The following RAPGEF6 variants were observed in gnomAD, a reference collection of about 807,000 sequenced individuals.
RAPGEF6 encodes the protein PDZ domain containing guanine nucleotide exchange factor (GEF) 2.
RAPGEF6 carries 56 observed loss-of-function variants against 171.4 expected under a neutral mutation model. That is an observed-to-expected ratio of 0.33 (90% CI 0.26 to 0.41). RAPGEF6 has a LOEUF of 0.41. RAPGEF6 is among the 10% of genes least tolerant of loss of function. The probability of loss-of-function intolerance (pLI) is 1.00; values close to 1 mark genes in which losing one functional copy is unlikely to be tolerated. For synonymous variants in RAPGEF6, 692 were observed against 650.1 expected, an observed-to-expected ratio of 1.06 and a Z score of -0.98; for missense variants, 1,674 against 1,921.4, an observed-to-expected ratio of 0.87 and a Z score of 2.41.
intron 6 of RAPGEF6, among the ~76,000 whole-genome samples, chr5:131,527,944 G>A (rs1205393250): frequency 6.7e-6 from 1 of 149,682 alleles, no homozygotes; most frequent in Non-Finnish European, 1.5e-5. Flanking sequence ...GAACCTGGGA[G>A]GCAGAGCTTG....
chr5:131,511,689 G>A (rs1230342130), intron 7 of RAPGEF6, among the ~76,000 whole-genome samples: 2 of 151,846 alleles, frequency 1.3e-5, no homozygotes, highest in Admixed American at 6.6e-5. Context: ...TAGAGACTCG[G>A]GGGAGGTTGC....
intron 6 of RAPGEF6, among the ~76,000 whole-genome samples, chr5:131,528,144 TA>T (rs1357779685): frequency 5.4e-4 from 26 of 47,782 alleles, no homozygotes; most frequent in Non-Finnish European, 8.5e-4. Context: ...TAATATATAC[TA>T]TATATAATAT....
rs775044047 is a variant in RAPGEF6, at chr5:131,429,140, A to C, written c.4542T>G (p.Ile1514Met). 2 of 1,614,012 alleles carry C rather than the reference A, an allele frequency of 1.2e-6. No individual in the cohort carries two copies. The highest frequency in any genetic ancestry group is 8.5e-7 in the Non-Finnish European group (1 of 1,179,880). Residue 1514 changes from isoleucine to methionine, a missense_variant, in exon 27 of 28, where the codon ATT becomes ATG. Coordinates refer to ENST00000509018, the MANE Select transcript of RAPGEF6 (RefSeq NM_016340.6). ...GTCCTTCCTTTAGGTCCGCTAAAGA[A>C]ATCCCCAAATATCCTGGAGGAGTGG... The part of the protein sequence containing the change: ...PPPTPPGYLG[I>M]SLADLKEGPH...
chr5:131,624,986 G>C lies in RAPGEF6; in HGVS notation c.69+9976C>G, dbSNP rs180841069. On this transcript the variant is annotated intron_variant, in intron 1 of 27. Transcript: ENST00000509018. ...AAAAATACAAAAAGTAGCCGGGCAT[G>C]GGTGCAGTGGCTCACACCTGTAATC... 3.7e-3 allele frequency among the ~76,000 whole-genome samples: 567 copies of C among 152,248 alleles called. 4 individuals are homozygous for C. Among genetic ancestry groups the C allele is most frequent in the African/African-American group, 0.013 (537 of 41,546 alleles).
intron 4 of RAPGEF6, among the ~76,000 whole-genome samples, chr5:131,578,284 C>T (rs552780952): frequency 6.6e-6 from 1 of 152,122 alleles, no homozygotes; most frequent in African/African-American, 2.4e-5. Flanking sequence ...CAATTGCACC[C>T]ACTCTCTCCT....
At chr5:131,520,543 A>G (rs1377206801) in intron 7 of RAPGEF6, among the ~76,000 whole-genome samples, 3 of 152,144 alleles carry the variant, frequency 2.0e-5, no homozygotes, top group Admixed American at 6.5e-5. Flanking sequence ...TTAAATTTCT[A>G]TTTGACAGTT....
At chr5:131,577,893 TTACCC>T (rs1221154052) in intron 4 of RAPGEF6, among the ~76,000 whole-genome samples, 10 of 152,200 alleles carry the variant, frequency 6.6e-5, no homozygotes, top group Non-Finnish European at 7.3e-5. Flanking sequence ...CTATTCGTCC[TTACCC>T]TACTTTTTGC....
chr5:131,621,849 C>T (rs149124928), intron 1 of RAPGEF6, among the ~76,000 whole-genome samples: 112 of 152,234 alleles, frequency 7.4e-4, no homozygotes, highest in African/African-American at 2.5e-3. Context: ...TCTAAAACAA[C>T]TTGAACAGCA....
intron 7 of RAPGEF6, among the ~76,000 whole-genome samples, chr5:131,515,040 G>A (rs1757985968): frequency 6.6e-6 from 1 of 152,140 alleles, no homozygotes; most frequent in South Asian, 2.1e-4. Context: ...GTGATTTTCT[G>A]ATGACTCGGC....
Position 131,439,627 on chromosome 5 carries a change from A to G in RAPGEF6, c.3699T>C (p.Ser1233=). 1 of 1,612,782 alleles carries G rather than the reference A, an allele frequency of 6.2e-7. No homozygotes were observed. Among genetic ancestry groups the G allele is most frequent in the Non-Finnish European group, 8.5e-7 (1 of 1,179,248 alleles). ...GAGATGCAGGAGGACTAGAATGTAAAGATGACGCCACAGAAATAGTGTCTT... is the reference window on the plus strand; with the variant it reads ...GAGATGCAGGAGGACTAGAATGTAAGGATGACGCCACAGAAATAGTGTCTT... ...HTEDTISVAS[S]LHSSPPASPQ... The change falls in exon 24 of 28, where the codon TCT becomes TCC. Residue 1233 remains serine, a synonymous_variant. Coordinates refer to ENST00000509018, the MANE Select transcript of RAPGEF6 (RefSeq NM_016340.6).
intron 1 of RAPGEF6, among the ~76,000 whole-genome samples, chr5:131,632,122 C>T (rs943003532): frequency 6.6e-6 from 1 of 150,948 alleles, no homozygotes; most frequent in Non-Finnish European, 1.5e-5. Context: ...TATCACTCCT[C>T]TGCTTCAAAA....
At chr5:131,433,995 A>AT (rs1274427211) in intron 24 of RAPGEF6, among the ~76,000 whole-genome samples, 1 of 152,190 alleles carries the variant, frequency 6.6e-6, no homozygotes, top group Non-Finnish European at 1.5e-5. Context: ...GATTACAAAT[A>AT]TTAATAAGTA....
intron 6 of RAPGEF6, among the ~76,000 whole-genome samples, chr5:131,527,342 T>C (rs1366915422): frequency 6.6e-6 from 1 of 151,726 alleles, no homozygotes; most frequent in Non-Finnish European, 1.5e-5. Flanking sequence ...ACCTTGCAAG[T>C]AATCAGGGAA....
At chr5:131,562,173 C>T in intron 4 of RAPGEF6, 126 bp from the exon 5 acceptor site, 1 of 552,970 alleles carries the variant, frequency 1.8e-6, no homozygotes, top group Non-Finnish European at 3.1e-6. Flanking sequence ...GATCCTGTCA[C>T]AATATTTATG....
intron 15 of RAPGEF6, among the ~76,000 whole-genome samples, chr5:131,488,275 T>C (rs1464031840): frequency 6.6e-6 from 1 of 152,148 alleles, no homozygotes; most frequent in Non-Finnish European, 1.5e-5. Context: ...TCTCTGTATT[T>C]TTATTCAGAA....
intron 21 of RAPGEF6, among the ~76,000 whole-genome samples, chr5:131,452,081 G>A (rs909598821): frequency 2.6e-5 from 4 of 152,146 alleles, no homozygotes; most frequent in South Asian, 2.1e-4. Flanking sequence ...TTAGCCGGGC[G>A]TAGTGGCAGG....
intron 1 of RAPGEF6, among the ~76,000 whole-genome samples, chr5:131,622,617 G>A (rs1765658284): frequency 6.6e-6 from 1 of 152,172 alleles, no homozygotes; most frequent in Admixed American, 6.5e-5. Context: ...TCATTCTATA[G>A]TCAAGCTCAT....
chr5:131,435,784 C>T, intron 24 of RAPGEF6: 2 of 1,284,746 alleles, frequency 1.6e-6, no homozygotes, highest in Non-Finnish European at 2.1e-6. Context: ...TTTACTAACT[C>T]AATACATCAG....
At chr5:131,548,562 G>C (rs1254530955) in intron 5 of RAPGEF6, among the ~76,000 whole-genome samples, 1 of 152,086 alleles carries the variant, frequency 6.6e-6, no homozygotes, top group African/African-American at 2.4e-5. Context: ...AACAATCCTG[G>C]TTATGGTTTT....
Sources: gnomAD v4.1 joint callset for allele counts (sites outside exome capture counted in the v4.1 genomes callset) on GRCh38, gnomAD v4.1.1 for gene constraint, MANE v1.5 for transcripts, NCBI Gene and HGNC (gene_info 2026-07-23, HGNC 2026-07-21) for gene names.